The following DOCK10 variants were observed in gnomAD, a reference collection of about 807,000 sequenced individuals.
DOCK10 encodes dedicator of cytokinesis protein 10.
A neutral mutation model predicts 280.1 loss-of-function variants in DOCK10; 145 were observed. That is an observed-to-expected ratio of 0.52 (90% CI 0.45 to 0.59). The LOEUF (loss-of-function observed/expected upper bound fraction) is 0.59. Ranked by LOEUF, DOCK10 falls within the 20% of genes least tolerant of loss-of-function variation. DOCK10 has a pLI of 0.00. For missense variants in DOCK10, 2,368 were observed against 2,651.7 expected (o/e 0.89, Z 2.35); for synonymous variants, 915 against 942.2 (o/e 0.97, Z 0.53).
intron 7 of DOCK10, among the ~76,000 whole-genome samples, chr2:224,885,428 T>C (rs1188734387): frequency 6.6e-6 from 1 of 152,226 alleles, no homozygotes; most frequent in African/African-American, 2.4e-5. Flanking sequence ...CTGTTTATTT[T>C]CTTTATTGAA....
intron 2 of DOCK10, among the ~76,000 whole-genome samples, chr2:224,923,487 A>G (rs1482597649): frequency 6.6e-6 from 1 of 152,178 alleles, no homozygotes; most frequent in Non-Finnish European, 1.5e-5. Context: ...ATATAAAGAC[A>G]CCTACTGCAC....
At chr2:224,859,484 T>TC (rs1559583699) in intron 14 of DOCK10, among the ~76,000 whole-genome samples, 1 of 152,102 alleles carries the variant, frequency 6.6e-6, no homozygotes, top group East Asian at 1.9e-4. Flanking sequence ...TCTCTATTCC[T>TC]CCCCCAAGGA....
At chr2:224,928,196 G>A (rs1398154849) in intron 2 of DOCK10, among the ~76,000 whole-genome samples, 1 of 152,178 alleles carries the variant, frequency 6.6e-6, no homozygotes, top group Non-Finnish European at 1.5e-5. Context: ...TCCACAAAGA[G>A]TGTGAGGATA....
At chr2:225,021,588 A>G (rs1251336496) in intron 1 of DOCK10, among the ~76,000 whole-genome samples, 1 of 152,214 alleles carries the variant, frequency 6.6e-6, no homozygotes, top group Non-Finnish European at 1.5e-5. Flanking sequence ...GGAACCTTGT[A>G]CATTGAGTAC....
chr2:224,897,627 A>C (rs1700060650), intron 3 of DOCK10, among the ~76,000 whole-genome samples: 1 of 152,084 alleles, frequency 6.6e-6, no homozygotes, highest in Admixed American at 6.5e-5. Flanking sequence ...TGGATCCCAT[A>C]AGTAAGTAAG....
At chr2:224,904,891 A>C (rs537712320) in intron 3 of DOCK10, among the ~76,000 whole-genome samples, 2 of 152,338 alleles carry the variant, frequency 1.3e-5, no homozygotes, top group South Asian at 4.1e-4. Context: ...TTTTCTTGAG[A>C]CAAGATAAAT....
At chr2:225,015,634 C>G (rs1689568762) in intron 1 of DOCK10, among the ~76,000 whole-genome samples, 1 of 152,098 alleles carries the variant, frequency 6.6e-6, no homozygotes, top group South Asian at 2.1e-4. Flanking sequence ...GTTTTAGAAA[C>G]GAGGCTCTTG....
intron 1 of DOCK10, among the ~76,000 whole-genome samples, chr2:225,014,938 T>C (rs1423735328): frequency 2.0e-5 from 3 of 152,362 alleles, no homozygotes; most frequent in Non-Finnish European, 2.9e-5. Flanking sequence ...CTTTACCTCT[T>C]GAAAAATCTA....
intron 1 of DOCK10, among the ~76,000 whole-genome samples, chr2:224,975,433 T>C (rs1705378280): frequency 6.6e-6 from 1 of 152,220 alleles, no homozygotes; most frequent in African/African-American, 2.4e-5. Flanking sequence ...ATAATATTCA[T>C]ATATTCAAGA....
At chr2:225,031,578 G>A (rs766820529) in intron 1 of DOCK10, among the ~76,000 whole-genome samples, 1 of 152,198 alleles carries the variant, frequency 6.6e-6, no homozygotes, top group Non-Finnish European at 1.5e-5. Context: ...ACAAAAGCCA[G>A]GGACAGACAC....
At chr2:224,905,956 G>C (rs996897470) in intron 3 of DOCK10, among the ~76,000 whole-genome samples, 1 of 151,982 alleles carries the variant, frequency 6.6e-6, no homozygotes, top group African/African-American at 2.4e-5. Flanking sequence ...TAGAGTAACT[G>C]CCCACACTTT....
At chr2:224,855,442 A>G (rs1300775759) in intron 15 of DOCK10, among the ~76,000 whole-genome samples, 1 of 152,190 alleles carries the variant, frequency 6.6e-6, no homozygotes, top group Non-Finnish European at 1.5e-5. Flanking sequence ...AAGTTTTGAG[A>G]GCAAGCTTGG....
At chr2:224,790,565 A>G (rs944264445) in intron 47 of DOCK10, among the ~76,000 whole-genome samples, 3 of 152,198 alleles carry the variant, frequency 2.0e-5, no homozygotes, top group Non-Finnish European at 4.4e-5. Flanking sequence ...CAAACATGCT[A>G]GAAATTATAA....
chr2:224,903,882 A>C (rs942130331), intron 3 of DOCK10, among the ~76,000 whole-genome samples: 2 of 152,222 alleles, frequency 1.3e-5, no homozygotes, highest in African/African-American at 2.4e-5. Flanking sequence ...TAGAAATTTT[A>C]GTGAATAGAA....
At chr2:224,879,579 G>A (rs976151331) in intron 7 of DOCK10, among the ~76,000 whole-genome samples, 1 of 152,094 alleles carries the variant, frequency 6.6e-6, no homozygotes, top group Non-Finnish European at 1.5e-5. Flanking sequence ...ACAACATGGT[G>A]AAACCCTGTC....
At chr2:224,797,661 A>C (rs1049503766) in intron 42 of DOCK10, among the ~76,000 whole-genome samples, 171 bp downstream of exon 42, 3 of 152,230 alleles carry the variant, frequency 2.0e-5, no homozygotes, top group Non-Finnish European at 2.9e-5. Context: ...ACAGATTGTC[A>C]AGGCTGTGCA....
At chr2:224,943,215 C>T (rs1354924) in intron 1 of DOCK10, among the ~76,000 whole-genome samples, 81,751 of 152,072 alleles carry the variant, frequency 0.54, 23,564 homozygotes, top group Non-Finnish European at 0.64. Context: ...AACACAACTT[C>T]AGTCTCTCAA....
At chr2:224,844,892 T>C (rs1198013760) in intron 21 of DOCK10, 53 bp from the exon 22 acceptor site, 6 of 1,245,790 alleles carry the variant, frequency 4.8e-6, no homozygotes, top group Non-Finnish European at 6.9e-6. Flanking sequence ...AGAAAGAAAA[T>C]AAATAGATTG....
intron 1 of DOCK10, among the ~76,000 whole-genome samples, chr2:225,035,400 G>A (rs1690193033): frequency 6.6e-6 from 1 of 151,230 alleles, no homozygotes; most frequent in Non-Finnish European, 1.5e-5. Flanking sequence ...TTTTCTAGGA[G>A]TCAATGACTG....
Sources: gnomAD v4.1 joint callset for allele counts (sites outside exome capture counted in the v4.1 genomes callset) on GRCh38, gnomAD v4.1.1 for gene constraint, MANE v1.5 for transcripts, NCBI Gene and HGNC (gene_info 2026-07-23, HGNC 2026-07-21) for gene names.